The following NEGR1 variants were observed in gnomAD, a reference collection of about 807,000 sequenced individuals.
NEGR1 encodes neuronal growth regulator 1.
A neutral mutation model predicts 40.9 loss-of-function variants in NEGR1; 10 were observed. That is an observed-to-expected ratio of 0.24 (90% confidence interval 0.15 to 0.42). The LOEUF is 0.42. NEGR1 is among the 10% of genes least tolerant of loss of function. The probability of loss-of-function intolerance (pLI) is 1.00; values close to 1 mark genes in which losing one functional copy is unlikely to be tolerated. For missense variants in NEGR1, 352 were observed against 438.9 expected, an observed-to-expected ratio of 0.80 and a Z score of 1.77; for synonymous variants, 185 against 166.8, an observed-to-expected ratio of 1.11 and a Z score of -0.84.
chr1:71,993,309 C>T (rs1399750222), intron 1 of NEGR1, among the ~76,000 whole-genome samples: 1 of 152,108 alleles, frequency 6.6e-6, no homozygotes, highest in Non-Finnish European at 1.5e-5. Context: ...AGCAAGTGAA[C>T]ATGATGTAAT....
chr1:71,968,130 G>T (rs1171121696), intron 1 of NEGR1, among the ~76,000 whole-genome samples: 1 of 152,080 alleles, frequency 6.6e-6, no homozygotes, highest in Non-Finnish European at 1.5e-5. Flanking sequence ...TAAAGTCTCT[G>T]GGACTTTATC....
chr1:71,572,391 G>T (rs538144674), intron 6 of NEGR1, among the ~76,000 whole-genome samples: 1 of 152,272 alleles, frequency 6.6e-6, no homozygotes, highest in East Asian at 1.9e-4. Context: ...GTTTCACAGG[G>T]CTTCTATTTC....
At position 72,180,022 on chromosome 1, in the gene NEGR1, G is replaced by GA. The variant is rs529499731; in HGVS notation, c.176+102296dup. 5.9e-3 allele frequency among the ~76,000 whole-genome samples: 896 copies of GA among 151,926 alleles called. 8 individuals carry two copies. The highest frequency in any genetic ancestry group is 9.4e-3 in the Non-Finnish European group (638 of 67,870). On this transcript the variant is annotated intron_variant, in intron 1 of 6. Coordinates refer to ENST00000357731, the MANE Select transcript of NEGR1 (RefSeq NM_173808.3). ...CCCAATGGCATTTATAACAGAAATA[G>GA]AAAAAAATCCTAAAATTTGCATAGA...
chr1:71,457,792 C>T (rs1277516243), intron 6 of NEGR1, among the ~76,000 whole-genome samples: 3 of 152,140 alleles, frequency 2.0e-5, no homozygotes, highest in Non-Finnish European at 4.4e-5. Context: ...AGCTCCGCCT[C>T]CTGGGTTCAT....
intron 3 of NEGR1, among the ~76,000 whole-genome samples, chr1:71,710,965 G>T (rs999943037): frequency 1.8e-4 from 28 of 152,122 alleles, no homozygotes; most frequent in African/African-American, 6.5e-4. Context: ...ATTTTGCATT[G>T]CATGTCTGTA....
intron 4 of NEGR1, among the ~76,000 whole-genome samples, chr1:71,621,239 T>C (rs535301169): frequency 3.9e-4 from 59 of 152,096 alleles, no homozygotes; most frequent in African/African-American, 1.3e-3. Context: ...TAGCCTACTT[T>C]TTTTAGCGTA....
At chr1:72,134,832 G>A (rs1344023796) in intron 1 of NEGR1, among the ~76,000 whole-genome samples, 1 of 151,128 alleles carries the variant, frequency 6.6e-6, no homozygotes, top group Non-Finnish European at 1.5e-5. Flanking sequence ...CCGCCTCCTG[G>A]GTTCAAGCGA....
At chr1:71,593,284 C>G (rs1030685275) in intron 5 of NEGR1, among the ~76,000 whole-genome samples, 1 of 152,094 alleles carries the variant, frequency 6.6e-6, no homozygotes, top group African/African-American at 2.4e-5. Context: ...AATATCTCAT[C>G]TATTAAAGTC....
intron 2 of NEGR1, among the ~76,000 whole-genome samples, chr1:71,854,750 G>C (rs982974178): frequency 1.3e-5 from 2 of 152,028 alleles, no homozygotes; most frequent in Admixed American, 1.3e-4. Context: ...AGGGGGGAAA[G>C]TCCCTTATAA....
chr1:71,804,613 A>G (rs1204877463), intron 2 of NEGR1, among the ~76,000 whole-genome samples: 1 of 152,214 alleles, frequency 6.6e-6, no homozygotes, highest in East Asian at 1.9e-4. Context: ...ATAAATTGTG[A>G]AGATTTCATG....
chr1:71,449,271 G>T (rs973403426), intron 6 of NEGR1, among the ~76,000 whole-genome samples: 10 of 152,120 alleles, frequency 6.6e-5, no homozygotes, highest in African/African-American at 2.4e-4. Flanking sequence ...AATTAAAATG[G>T]CTAACCTCAC....
At position 71,609,514 on chromosome 1, in the gene NEGR1, CAAAAAAAAAAAAAAAAAAAAAAAA is replaced by C. The variant is rs61728217; in HGVS notation, c.788+1488_788+1511del. Among the ~76,000 whole-genome samples, 47 of 24,098 alleles carry C rather than the reference CAAAAAAAAAAAAAAAAAAAAAAAA, an allele frequency of 2.0e-3. No homozygotes were observed. In the South Asian group the frequency reaches 0.03, roughly 15 times the overall value. 15.8% of individuals were successfully genotyped at this position (24,098 alleles called of 152,430 possible). ...TGGGCGACAAACCAAGACTCCGTCT[CAAAAAAAAAAAAAAAAAAAAAAAA>C]AAAAAAAAAAAAAAAAAAGAAATGA... is the stretch of plus-strand genomic sequence containing the variant. On this transcript the variant is annotated intron_variant, in intron 5 of 6. Coordinates refer to ENST00000357731, the MANE Select transcript of NEGR1 (RefSeq NM_173808.3).
chr1:71,855,985 T>G lies in NEGR1; in HGVS notation c.409+79094A>C, dbSNP rs946883110. On this transcript the variant is annotated intron_variant, in intron 2 of 6. Transcript: ENST00000357731. ...CCTCTGCCTGCCCTCAAAAATGCCT[T>G]CTTACAGTTATGTGTCTCAGCATGC... is the stretch of plus-strand genomic sequence containing the variant. Among the ~76,000 whole-genome samples, 4 of 152,156 alleles carry G rather than the reference T, an allele frequency of 2.6e-5. No individual in the cohort carries two copies. In the South Asian group the frequency reaches 8.3e-4, roughly 32 times the overall value.
chr1:72,127,913 C>T (rs539838029), intron 1 of NEGR1, among the ~76,000 whole-genome samples: 1 of 151,710 alleles, frequency 6.6e-6, no homozygotes, highest in African/African-American at 2.4e-5. Flanking sequence ...AAAAACAAAA[C>T]AAACAAAAAA....
rs532194826 is a variant in NEGR1 at position 72,215,952 on chromosome 1, A to G, written c.176+66367T>C. ...CTGTTGACAATAGCAAAGACTTGGAACCAACCCAAATGCCCATCAATGATA... is the reference window on the plus strand; with the variant it reads ...CTGTTGACAATAGCAAAGACTTGGAGCCAACCCAAATGCCCATCAATGATA... On this transcript the variant is annotated intron_variant, in intron 1 of 6. Transcript: ENST00000357731. Among the ~76,000 whole-genome samples the G allele has an allele frequency of 3.9e-5, 6 of 152,176 alleles. No individual in the cohort carries two copies. In the East Asian group the frequency reaches 1.2e-3, roughly 29 times the overall value.
chr1:72,243,042 A>G (rs780544769), intron 1 of NEGR1, among the ~76,000 whole-genome samples: 1 of 151,778 alleles, frequency 6.6e-6, no homozygotes, highest in Non-Finnish European at 1.5e-5. Context: ...AAAATCTGCT[A>G]TCATTTCTGT....
chr1:72,237,934 C>A (rs534767239), intron 1 of NEGR1, among the ~76,000 whole-genome samples: 1 of 151,990 alleles, frequency 6.6e-6, no homozygotes, highest in African/African-American at 2.4e-5. Context: ...GATAACTTAG[C>A]AAAGTTGCAA....
chr1:71,789,034 T>C (rs974264144), intron 2 of NEGR1, among the ~76,000 whole-genome samples: 2 of 152,240 alleles, frequency 1.3e-5, no homozygotes, highest in African/African-American at 4.8e-5. Flanking sequence ...CAGATAAAGA[T>C]AGAAGGATGG....
rs564903948 is a variant in NEGR1 at position 71,597,621 on chromosome 1, A to C, written c.789-4653T>G. 2.3e-3 allele frequency among the ~76,000 whole-genome samples: 349 copies of C among 151,552 alleles called. 1 individual carries two copies. The highest frequency in any genetic ancestry group is 3.6e-3 in the Non-Finnish European group (245 of 67,902). Reference sequence around the variant, plus strand: ...TGACTGAAGTAATCTCATACTAAAAATTTTCAGCATTGTGGCTGGGCATGG... The same window carrying C: ...TGACTGAAGTAATCTCATACTAAAACTTTTCAGCATTGTGGCTGGGCATGG... On this transcript the variant is annotated intron_variant, in intron 5 of 6. Transcript: ENST00000357731.
Sources: gnomAD v4.1 joint callset for allele counts (sites outside exome capture counted in the v4.1 genomes callset) on GRCh38, gnomAD v4.1.1 for gene constraint, MANE v1.5 for transcripts, NCBI Gene and HGNC (gene_info 2026-07-23, HGNC 2026-07-21) for gene names.